The following MACROD2 variants were observed in gnomAD, a reference collection of about 807,000 sequenced individuals.
MACROD2 encodes mono-ADP ribosylhydrolase 2.
Under a neutral mutation model 70.4 loss-of-function variants are expected in MACROD2, and 36 were observed. The ratio of observed to expected loss-of-function variants is 0.51; its 90% CI spans 0.39 to 0.68. The LOEUF is 0.68. MACROD2 is among the 30% of genes least tolerant of loss of function. MACROD2 has a pLI of 0.00. For synonymous variants in MACROD2, 172 were observed against 178.8 expected, an observed-to-expected ratio of 0.96 and a Z score of 0.30; for missense variants, 496 against 538.4, an observed-to-expected ratio of 0.92 and a Z score of 0.78.
At chr20:15,033,848 C>T (rs571216352) in intron 5 of MACROD2, among the ~76,000 whole-genome samples, 19 of 152,162 alleles carry the variant, frequency 1.2e-4, no homozygotes, top group Admixed American at 6.5e-4. Context: ...TAAAACAGGT[C>T]ATCCATTAAG....
intron 6 of MACROD2, among the ~76,000 whole-genome samples, chr20:15,352,590 A>G (rs1026436565): frequency 6.6e-6 from 1 of 152,218 alleles, no homozygotes; most frequent in African/African-American, 2.4e-5. Flanking sequence ...ATATTTTTAA[A>G]TAATACATTG....
At chr20:15,738,788 G>T (rs2051062581) in intron 8 of MACROD2, among the ~76,000 whole-genome samples, 1 of 152,052 alleles carries the variant, frequency 6.6e-6, no homozygotes, top group South Asian at 2.1e-4. Flanking sequence ...TGGATCTTGG[G>T]GTCAAGCAGA....
Position 14,532,400 on chromosome 20 carries a change from T to A in MACROD2, c.301+38892T>A, listed in dbSNP as rs544037992. ...GCCCGGCTAATTTTTTTTTTTTTTTTATTTAGTAGAGACGGGGTTTCACCG... is the reference window on the plus strand; with the variant it reads ...GCCCGGCTAATTTTTTTTTTTTTTTAATTTAGTAGAGACGGGGTTTCACCG... On this transcript the variant is annotated intron_variant, in intron 4 of 17. Coordinates refer to ENST00000684519, the MANE Select transcript of MACROD2 (RefSeq NM_001351661.2). 3.5e-4 allele frequency among the ~76,000 whole-genome samples: 52 copies of A among 148,864 alleles called. 1 individual carries two copies. Among genetic ancestry groups the A allele is most frequent in the African/African-American group, 9.9e-4 (40 of 40,388 alleles).
intron 5 of MACROD2, among the ~76,000 whole-genome samples, chr20:14,720,565 T>TG (rs1819776990): frequency 9.1e-6 from 1 of 109,886 alleles, no homozygotes; most frequent in African/African-American, 3.9e-5. Context: ...TTTTTTTTTT[T>TG]TTTTTGTGAG....
At chr20:14,498,301 G>A (rs1490031161) in intron 4 of MACROD2, among the ~76,000 whole-genome samples, 2 of 151,780 alleles carry the variant, frequency 1.3e-5, no homozygotes, top group African/African-American at 4.8e-5. Flanking sequence ...TAAAAAAAAA[G>A]AAAAAAAGAA....
chr20:15,059,327 G>A (rs1359434573), intron 5 of MACROD2, among the ~76,000 whole-genome samples: 1 of 151,532 alleles, frequency 6.6e-6, no homozygotes, highest in African/African-American at 2.4e-5. Context: ...GGAGGCTGCA[G>A]TGAACCGAGA....
intron 3 of MACROD2, among the ~76,000 whole-genome samples, chr20:14,398,239 A>G (rs2083600956): frequency 6.6e-6 from 1 of 151,876 alleles, no homozygotes; most frequent in Non-Finnish European, 1.5e-5. Context: ...TGATATATTG[A>G]TTTACTTTCT....
intron 8 of MACROD2, among the ~76,000 whole-genome samples, chr20:15,506,024 G>A (rs1255529382): frequency 6.6e-6 from 1 of 152,182 alleles, no homozygotes; most frequent in African/African-American, 2.4e-5. Flanking sequence ...CAAGCCTACA[G>A]ATGTGGCAGG....
intron 6 of MACROD2, among the ~76,000 whole-genome samples, chr20:15,331,143 G>C (rs2077987699): frequency 6.6e-6 from 1 of 151,644 alleles, no homozygotes; most frequent in Non-Finnish European, 1.5e-5. Context: ...TGGAACAGGG[G>C]ATGCATTTGA....
chr20:15,646,632 G>A (rs2049548811), intron 8 of MACROD2, among the ~76,000 whole-genome samples: 1 of 152,178 alleles, frequency 6.6e-6, no homozygotes, highest in African/African-American at 2.4e-5. Context: ...GAGAGACCAG[G>A]TGGAGGTAAT....
At chr20:14,015,736 C>A (rs1052720097) in intron 2 of MACROD2, among the ~76,000 whole-genome samples, 7 of 152,158 alleles carry the variant, frequency 4.6e-5, no homozygotes, top group African/African-American at 7.2e-5. Flanking sequence ...ACATGTTTAT[C>A]TTTCATGTCT....
intron 5 of MACROD2, among the ~76,000 whole-genome samples, chr20:15,083,160 C>CTG (rs923995185): frequency 2.6e-5 from 4 of 152,164 alleles, no homozygotes; most frequent in African/African-American, 9.7e-5. Context: ...AGGTCGTGGT[C>CTG]TGTGGTCCCT....
intron 3 of MACROD2, among the ~76,000 whole-genome samples, chr20:14,260,594 C>T (rs2082093636): frequency 6.6e-6 from 1 of 152,180 alleles, no homozygotes; most frequent in South Asian, 2.1e-4. Flanking sequence ...TGAGCCACCA[C>T]ACCCAGCCCC....
intron 8 of MACROD2, among the ~76,000 whole-genome samples, chr20:15,587,477 T>C (rs1456245467): frequency 6.6e-6 from 1 of 152,132 alleles, no homozygotes; most frequent in Non-Finnish European, 1.5e-5. Context: ...CCCAAAGTCT[T>C]AACTCATTTC....
chr20:14,134,199 G>GT (rs1400629045), intron 3 of MACROD2, among the ~76,000 whole-genome samples: 1 of 152,096 alleles, frequency 6.6e-6, no homozygotes, highest in Non-Finnish European at 1.5e-5. Context: ...TGAACCTACA[G>GT]CTTATTTATG....
chr20:15,379,293 C>A (rs906568782), intron 6 of MACROD2, among the ~76,000 whole-genome samples: 5 of 152,094 alleles, frequency 3.3e-5, no homozygotes, highest in Non-Finnish European at 2.9e-5. Context: ...TTCCACTGGG[C>A]TTCAAATGCA....
rs1385151150 is a variant in MACROD2 at position 15,217,999 on chromosome 20, C to G, written c.419-11941C>G. ...ATATATTCTCTTCCCCTCACTGATT[C>G]TATGTCAGGCCCAAAATAGGCAAAG... On this transcript the variant is annotated intron_variant, in intron 5 of 17. Transcript: ENST00000684519. Among the ~76,000 whole-genome samples, 8 of 152,182 alleles carry G rather than the reference C, an allele frequency of 5.3e-5. 1 individual carries two copies. The highest frequency in any genetic ancestry group is 5.2e-4 in the Admixed American group (8 of 15,288).
At chr20:15,787,120 C>T (rs141495810) in intron 8 of MACROD2, among the ~76,000 whole-genome samples, 333 of 152,088 alleles carry the variant, frequency 2.2e-3, no homozygotes, top group African/African-American at 7.2e-3. Context: ...TACAGGCATG[C>T]GCCACCAAGC....
At chr20:14,515,471 A>ACGCGCGCGCGCGCGCGCGCG (rs1182346144) in intron 4 of MACROD2, among the ~76,000 whole-genome samples, 3 of 99,872 alleles carry the variant, frequency 3.0e-5, no homozygotes, top group African/African-American at 1.1e-4. Flanking sequence ...ACACGCACAC[A>ACGCGCGCGCGCGCGCGCGCG]CACACACACA....
Sources: allele counts gnomAD v4.1 joint callset (sites outside exome capture counted in the v4.1 genomes callset), GRCh38; gene constraint gnomAD v4.1.1; transcripts MANE v1.5; gene names NCBI Gene and HGNC (gene_info 2026-07-23, HGNC 2026-07-21).